Variants in HS2ST1 observed in about 807,000 individuals in gnomAD.
HS2ST1 encodes heparan sulfate 2-O-sulfotransferase 1, also known as 2-O-sulfotransferase.
HS2ST1 carries 18 observed loss-of-function variants against 42.9 expected under a neutral mutation model. That is an observed-to-expected ratio of 0.42 (90% CI 0.29 to 0.62). The LOEUF is 0.62. HS2ST1 is among the 20% of genes least tolerant of loss of function. The pLI, the probability that HS2ST1 is intolerant of heterozygous loss-of-function variation, is 0.21. For missense variants in HS2ST1, 334 were observed against 433.8 expected (o/e 0.77, Z 2.04); for synonymous variants, 146 against 152.9 (o/e 0.95, Z 0.33).
intron 1 of HS2ST1, among the ~76,000 whole-genome samples, chr1:86,991,239 C>T (rs1009187089): frequency 4.6e-5 from 7 of 151,970 alleles, no homozygotes; most frequent in African/African-American, 1.2e-4. Context: ...AGACTTTAGA[C>T]GAATTTAACA....
At position 87,059,993 on chromosome 1, in the gene HS2ST1, G is replaced by A. The variant is rs1477681952; in HGVS notation, c.125-12941G>A. On this transcript the variant is annotated intron_variant, in intron 1 of 6. Coordinates refer to ENST00000370550, the MANE Select transcript of HS2ST1 (RefSeq NM_012262.4). ...AATCCATATAGTAACCCATAAATAA[G>A]TAAAACCTTTGTATGTTGTGATTTT... 3.3e-5 allele frequency among the ~76,000 whole-genome samples: 5 copies of A among 152,156 alleles called. No homozygotes were observed. The East Asian group carries it at 5.8e-4, about 18-fold the overall frequency.
intron 1 of HS2ST1, among the ~76,000 whole-genome samples, chr1:86,963,203 G>T (rs187296266): frequency 1.3e-5 from 2 of 149,300 alleles, no homozygotes; most frequent in Non-Finnish European, 3.0e-5. Context: ...GGTGTTTCTC[G>T]CATAGGGGGA....
At chr1:86,928,424 C>T (rs1660466967) in intron 1 of HS2ST1, among the ~76,000 whole-genome samples, 2 of 151,942 alleles carry the variant, frequency 1.3e-5, no homozygotes, top group Admixed American at 6.6e-5. Flanking sequence ...GATTCTTGAA[C>T]TATATTTAGA....
rs563854369 is a variant in HS2ST1 at position 87,056,339 on chromosome 1, C to T, written c.125-16595C>T. Among the ~76,000 whole-genome samples the T allele has an allele frequency of 5.9e-5, 9 of 152,306 alleles. No individual in the cohort carries two copies. The South Asian group carries it at 8.3e-4, about 14-fold the overall frequency. ...ACAGATGTGGCTGCCCAGTCTTGAA[C>T]TTGCCAGCCTAAAGAACCAGAAGCT... On this transcript the variant is annotated intron_variant, in intron 1 of 6. Transcript: ENST00000370550.
intron 4 of HS2ST1, 149 bp downstream of exon 4, chr1:87,092,818 TGAA>T (rs1651976870): frequency 4.8e-6 from 2 of 415,430 alleles, no homozygotes; most frequent in East Asian, 8.2e-5. Context: ...AGAAGCAAAA[TGAA>T]GAAAATTATA....
At chr1:86,935,026 A>G (rs12072434) in intron 1 of HS2ST1, 45,541 of 151,140 alleles carry the variant, frequency 0.3, 9,113 homozygotes, top group African/African-American at 0.57. Flanking sequence ...CTCTGTCCAC[A>G]TCAGACCAGA....
At chr1:86,918,511 G>T (rs1176331162) in intron 1 of HS2ST1, among the ~76,000 whole-genome samples, 1 of 151,626 alleles carries the variant, frequency 6.6e-6, no homozygotes, top group East Asian at 1.9e-4. Flanking sequence ...TAATTTTTTT[G>T]AGTGTTTCTT....
chr1:87,103,484 G>C lies in HS2ST1; in HGVS notation c.739G>C (p.Glu247Gln), dbSNP rs368901686. 10 of 1,612,990 alleles carry C rather than the reference G, an allele frequency of 6.2e-6. No individual in the cohort carries two copies. Among genetic ancestry groups the C allele is most frequent in the African/African-American group, 2.7e-5 (2 of 74,852 alleles). ...MDQAKYNLIN[E>Q]YFLVGVTEEL... Reference sequence around the variant, plus strand: ...TCAAGCCAAGTATAACCTAATTAATGAATATTTTCTGGTGGGAGTTACTGA... The same window carrying C: ...TCAAGCCAAGTATAACCTAATTAATCAATATTTTCTGGTGGGAGTTACTGA... Residue 247 changes from glutamate to glutamine, a missense_variant, in exon 6 of 7, where the codon GAA becomes CAA. Coordinates refer to ENST00000370550, the MANE Select transcript of HS2ST1 (RefSeq NM_012262.4).
chr1:87,072,107 T>C (rs1157932137), intron 1 of HS2ST1, among the ~76,000 whole-genome samples: 1 of 152,126 alleles, frequency 6.6e-6, no homozygotes, highest in African/African-American at 2.4e-5. Flanking sequence ...GAAAGCAAAA[T>C]GTAACTGCTT....
At position 87,102,741 on chromosome 1, in the gene HS2ST1, C is replaced by A. The variant is rs138669862; in HGVS notation, c.687-691C>A. The stretch of plus-strand genomic sequence containing the variant: ...TCTTAGAAACCAATTAATCACTGTT[C>A]CCCTCCCCCTCTTTGTTTTTTTTAA... On this transcript the variant is annotated intron_variant, in intron 5 of 6. Transcript: ENST00000370550. Among the ~76,000 whole-genome samples, 473 of 152,140 alleles carry A rather than the reference C, an allele frequency of 3.1e-3. 1 individual carries two copies. Among genetic ancestry groups the A allele is most frequent in the African/African-American group, 0.01 (432 of 41,510 alleles).
At chr1:87,034,679 AC>A (rs1650326717) in intron 1 of HS2ST1, among the ~76,000 whole-genome samples, 1 of 152,214 alleles carries the variant, frequency 6.6e-6, no homozygotes, top group Non-Finnish European at 1.5e-5. Context: ...AAGTATATGT[AC>A]GAAGCTTTCC....
Position 87,029,695 on chromosome 1 carries a change from GAATA to G in HS2ST1, c.125-43234_125-43231del, listed in dbSNP as rs377736877. On this transcript the variant is annotated intron_variant, in intron 1 of 6. Coordinates refer to ENST00000370550, the MANE Select transcript of HS2ST1 (RefSeq NM_012262.4). Reference sequence around the variant, plus strand: ...GTTTTGACTTATGTGAAATCTACAGGAATAAATACTTTTCATACAAGAACAAAAA... The same window carrying G: ...GTTTTGACTTATGTGAAATCTACAGGAATACTTTTCATACAAGAACAAAAA... Among the ~76,000 whole-genome samples the G allele has an allele frequency of 7.7e-3, 1,179 of 152,214 alleles. 22 individuals carry two copies. Among genetic ancestry groups the G allele is most frequent in the African/African-American group, 0.028 (1,144 of 41,512 alleles).
Position 87,108,220 on chromosome 1 carries a change from C to A in HS2ST1, c.*3524C>A, listed in dbSNP as rs919562247. 1.4e-4 allele frequency: 21 copies of A among 152,186 alleles called. No homozygotes were observed. The highest frequency in any genetic ancestry group is 4.1e-4 in the African/African-American group (17 of 41,550). 9.4% of individuals were successfully genotyped at this position (152,186 alleles called of 1,614,324 possible). ...AAGTGCTAGAGAATTTAACTAAAAG[C>A]TGGTTCCCAAATGCATAGCTGGCAT... is the stretch of plus-strand genomic sequence containing the variant. On this transcript the variant is annotated 3_prime_UTR_variant, in exon 7 of 7. Transcript: ENST00000370550.
chr1:87,014,542 T>C (rs1396325330), intron 1 of HS2ST1, among the ~76,000 whole-genome samples: 1 of 152,214 alleles, frequency 6.6e-6, no homozygotes, highest in Non-Finnish European at 1.5e-5. Context: ...TTAGAACAGC[T>C]ATATAGTGTA....
At position 86,997,952 on chromosome 1, in the gene HS2ST1, G is replaced by T. The variant is rs139296140; in HGVS notation, c.125-74982G>T. ...TTGACTGTGAATAATTAAAACCATG[G>T]GTCGTGAAACTGCAGATGAAGGAGG... On this transcript the variant is annotated intron_variant, in intron 1 of 6. Coordinates refer to ENST00000370550, the MANE Select transcript of HS2ST1 (RefSeq NM_012262.4). Among the ~76,000 whole-genome samples, 127 of 152,140 alleles carry T rather than the reference G, an allele frequency of 8.3e-4. 1 individual carries two copies. The East Asian group carries it at 0.022, about 26-fold the overall frequency.
At chr1:87,098,036 A>T (rs1652111450) in intron 5 of HS2ST1, 101 bp downstream of exon 5, 1 of 1,534,920 alleles carries the variant, frequency 6.5e-7, no homozygotes, top group African/African-American at 1.4e-5. Flanking sequence ...TCGGTGAAAG[A>T]CTAGACTAAA....
intron 1 of HS2ST1, among the ~76,000 whole-genome samples, chr1:87,007,019 A>G (rs371394450): frequency 6.6e-6 from 1 of 152,116 alleles, no homozygotes; most frequent in African/African-American, 2.4e-5. Flanking sequence ...AATGCTGTCC[A>G]TTGCAGTAGG....
At chr1:87,098,713 A>C (rs1426023326) in intron 5 of HS2ST1, among the ~76,000 whole-genome samples, 2 of 152,188 alleles carry the variant, frequency 1.3e-5, no homozygotes, top group Non-Finnish European at 2.9e-5. Context: ...ATTTTTAACC[A>C]TTTCTTTAGA....
chr1:86,947,921 C>T (rs1311199346), intron 1 of HS2ST1, among the ~76,000 whole-genome samples: 1 of 152,086 alleles, frequency 6.6e-6, no homozygotes, highest in African/African-American at 2.4e-5. Flanking sequence ...ATATATGGAA[C>T]ATTCAGAAGA....
Sources: gnomAD v4.1 joint callset for allele counts (sites outside exome capture counted in the v4.1 genomes callset) on GRCh38, gnomAD v4.1.1 for gene constraint, MANE v1.5 for transcripts, NCBI Gene and HGNC (gene_info 2026-07-23, HGNC 2026-07-21) for gene names.